CCDC91: variants seen among roughly 807,000 people sequenced by gnomAD.
CCDC91 encodes coiled-coil domain containing 91.
In CCDC91, 48 loss-of-function variants were observed where a neutral mutation model predicts 63.2. That is an observed-to-expected ratio of 0.76 (90% CI 0.60 to 0.97). The LOEUF is 0.97. Ranked by LOEUF, CCDC91 falls within the 50% of genes least tolerant of loss-of-function variation. The probability of loss-of-function intolerance (pLI) is 0.00; values close to 1 mark genes in which losing one functional copy is unlikely to be tolerated. For synonymous variants in CCDC91, 167 were observed against 165.8 expected (o/e 1.01, Z -0.06); for missense variants, 500 against 494.6 (o/e 1.01, Z -0.10).
chr12:28,205,627 C>A (rs1942787793), intron 1 of CCDC91, among the ~76,000 whole-genome samples: 1 of 152,092 alleles, frequency 6.6e-6, no homozygotes, highest in Non-Finnish European at 1.5e-5. Context: ...TGACATACAG[C>A]AATTGGAAGT....
At chr12:28,531,422 A>AT (rs1204096355) in intron 12 of CCDC91, among the ~76,000 whole-genome samples, 3 of 152,112 alleles carry the variant, frequency 2.0e-5, no homozygotes, top group Non-Finnish European at 4.4e-5. Flanking sequence ...GTTTTCCCCT[A>AT]TTCAGGTTGA....
chr12:28,227,191 A>C (rs1944323732), intron 1 of CCDC91, among the ~76,000 whole-genome samples: 1 of 152,056 alleles, frequency 6.6e-6, no homozygotes, highest in South Asian at 2.1e-4. Flanking sequence ...TCTTCACTGG[A>C]AAGTTATTCT....
At chr12:28,467,683 T>G (rs1272787231) in intron 11 of CCDC91, among the ~76,000 whole-genome samples, 6 of 152,106 alleles carry the variant, frequency 3.9e-5, no homozygotes, top group South Asian at 2.1e-4. Context: ...ACATAGATCA[T>G]TCTCAAGGAT....
chr12:28,304,393 A>AAG (rs1938452234), intron 3 of CCDC91, among the ~76,000 whole-genome samples: 4 of 122,146 alleles, frequency 3.3e-5, no homozygotes, highest in African/African-American at 5.7e-5. Context: ...AAAAAAAAAA[A>AAG]AAAAAAAAGA....
intron 6 of CCDC91, among the ~76,000 whole-genome samples, chr12:28,337,131 A>C (rs1046370502): frequency 4.6e-5 from 7 of 152,266 alleles, no homozygotes; most frequent in Middle Eastern, 3.4e-3. Flanking sequence ...GTTAGAAATC[A>C]TTAATTTCAT....
chr12:28,210,869 G>A (rs1422862106), intron 1 of CCDC91, among the ~76,000 whole-genome samples: 1 of 151,940 alleles, frequency 6.6e-6, no homozygotes, highest in Non-Finnish European at 1.5e-5. Context: ...GACTGAGACA[G>A]TATTGCCAAA....
intron 12 of CCDC91, among the ~76,000 whole-genome samples, chr12:28,521,078 C>T (rs1210422631): frequency 1.3e-5 from 2 of 152,036 alleles, no homozygotes; most frequent in Non-Finnish European, 2.9e-5. Flanking sequence ...TCCATATGAA[C>T]TTTAAAGTAG....
At chr12:28,232,643 C>T (rs555350770) in intron 1 of CCDC91, among the ~76,000 whole-genome samples, 7 of 152,138 alleles carry the variant, frequency 4.6e-5, no homozygotes, top group Non-Finnish European at 7.4e-5. Context: ...GTTTTGTGGT[C>T]ATTTGAGATA....
chr12:28,327,537 C>T (rs1941125116), intron 6 of CCDC91, among the ~76,000 whole-genome samples: 1 of 152,104 alleles, frequency 6.6e-6, no homozygotes, highest in South Asian at 2.1e-4. Context: ...GTAAATCAGA[C>T]ACCACCTCCT....
intron 11 of CCDC91, among the ~76,000 whole-genome samples, chr12:28,463,014 G>A (rs948845987): frequency 6.6e-6 from 1 of 152,164 alleles, no homozygotes; most frequent in African/African-American, 2.4e-5. Flanking sequence ...GGAAACTGCA[G>A]TATTTCCTAT....
chr12:28,534,310 A>ATTCTCAGTT (rs1429034536), intron 12 of CCDC91, among the ~76,000 whole-genome samples: 1 of 152,194 alleles, frequency 6.6e-6, no homozygotes, highest in African/African-American at 2.4e-5. Context: ...GAAGGAAGGA[A>ATTCTCAGTT]TTCTCAGTTT....
intron 1 of CCDC91, chr12:28,255,811 C>T (rs1438888011): frequency 6.6e-6 from 1 of 151,956 alleles, no homozygotes; most frequent in Non-Finnish European, 1.5e-5. Flanking sequence ...TTAAAACAAT[C>T]GTTGAAATTA....
In CCDC91 at chr12:28,222,397, T is replaced by A. The variant is rs188826752; in HGVS notation, c.-15+31756T>A. Among the ~76,000 whole-genome samples the A allele has an allele frequency of 7.0e-4, 106 of 152,318 alleles. 3 individuals carry two copies. The East Asian group carries it at 0.019, about 28-fold the overall frequency. ...AATTTTTCATTTACTCTGTTCATCT[T>A]TTATGATACTTTATAAAGTAAATCT... On this transcript the variant is annotated intron_variant, in intron 1 of 12. Transcript: ENST00000536442.
chr12:28,197,672 G>A (rs1218711474), intron 1 of CCDC91, among the ~76,000 whole-genome samples: 2 of 152,018 alleles, frequency 1.3e-5, no homozygotes, highest in Admixed American at 6.5e-5. Flanking sequence ...GTTATTTTAG[G>A]TATTTTGTAT....
At chr12:28,436,101 A>C (rs1303234358) in intron 8 of CCDC91, among the ~76,000 whole-genome samples, 9 of 151,680 alleles carry the variant, frequency 5.9e-5, no homozygotes, top group Non-Finnish European at 1.3e-4. Context: ...GTGATTATTG[A>C]TCTATTTAGC....
At chr12:28,366,456 A>G (rs193148822) in intron 7 of CCDC91, among the ~76,000 whole-genome samples, 232 of 152,342 alleles carry the variant, frequency 1.5e-3, no homozygotes, top group African/African-American at 5.5e-3. Context: ...ACCAAGTACC[A>G]TAGGAAGAAA....
At position 28,395,964 on chromosome 12, in the gene CCDC91, G is replaced by A. The variant is rs1485680779; in HGVS notation, c.762+4553G>A. On this transcript the variant is annotated intron_variant, in intron 8 of 12. Coordinates refer to ENST00000536442, the MANE Select transcript of CCDC91 (RefSeq NM_018318.5). The stretch of plus-strand genomic sequence containing the variant: ...TTTTGTATGACATGGCACTCGGCTT[G>A]GTTATAGGAACGTAACAGTGAGAGA... Among the ~76,000 whole-genome samples, 6 of 152,170 alleles carry A rather than the reference G, an allele frequency of 3.9e-5. No homozygotes were observed. The South Asian group carries it at 1.2e-3, about 32-fold the overall frequency.
intron 6 of CCDC91, among the ~76,000 whole-genome samples, chr12:28,345,232 G>A (rs193299991): frequency 1.1e-3 from 165 of 151,944 alleles, no homozygotes; most frequent in Non-Finnish European, 1.8e-3. Flanking sequence ...CAAATTTACT[G>A]TGTATATGTG....
At chr12:28,384,088 C>T (rs1447738948) in intron 7 of CCDC91, among the ~76,000 whole-genome samples, 8 of 152,060 alleles carry the variant, frequency 5.3e-5, no homozygotes, top group Admixed American at 5.2e-4. Context: ...CAAATCTAGT[C>T]ATTTGCCATC....
Sources: allele counts gnomAD v4.1 joint callset (sites outside exome capture counted in the v4.1 genomes callset), GRCh38; gene constraint gnomAD v4.1.1; transcripts MANE v1.5; gene names NCBI Gene and HGNC (gene_info 2026-07-23, HGNC 2026-07-21).